The following TNRC18 variants were observed in gnomAD, a reference collection of about 807,000 sequenced individuals.
TNRC18 encodes trinucleotide repeat-containing gene 18 protein.
Under a neutral mutation model 226.7 loss-of-function variants are expected in TNRC18, and 69 were observed. The ratio of observed to expected loss-of-function variants is 0.30; its 90% confidence interval spans 0.25 to 0.37. The LOEUF (loss-of-function observed/expected upper bound fraction) is 0.37. Among genes scored for constraint, TNRC18 ranks in the 10% least tolerant of loss-of-function variants. The pLI, the probability that TNRC18 is intolerant of heterozygous loss-of-function variation, is 1.00. For missense variants in TNRC18, 4,754 were observed against 4,256.6 expected, an observed-to-expected ratio of 1.12 and a Z score of -3.25; for synonymous variants, 2,449 against 1,927.6, an observed-to-expected ratio of 1.27 and a Z score of -7.09.
intron 5 of TNRC18, among the ~76,000 whole-genome samples, chr7:5,379,433 C>A (rs1259133287): frequency 2.0e-5 from 3 of 151,964 alleles, no homozygotes; most frequent in African/African-American, 7.2e-5. Flanking sequence ...GAAAAGTAAA[C>A]CCAAAGAACA....
chr7:5,317,998 A>C (rs191731966), intron 24 of TNRC18, among the ~76,000 whole-genome samples: 79 of 152,034 alleles, frequency 5.2e-4, no homozygotes, highest in African/African-American at 1.8e-3. Flanking sequence ...CAGCCTCCCG[A>C]GTAGCTGGGA....
intron 18 of TNRC18, among the ~76,000 whole-genome samples, chr7:5,336,437 A>G (rs10250580): frequency 0.2 from 30,545 of 151,884 alleles, 3,283 homozygotes; most frequent in African/African-American, 0.25. Context: ...AAAGAACCAA[A>G]TGAACCAATT....
chr7:5,375,313 A>G (rs1794551736), intron 9 of TNRC18, among the ~76,000 whole-genome samples: 1 of 148,246 alleles, frequency 6.7e-6, no homozygotes, highest in African/African-American at 2.5e-5. Flanking sequence ...CACCTCAAAA[A>G]AACAACAAAA....
rs1268802767 is a variant in TNRC18, at chr7:5,361,966, G to A, written c.4463C>T (p.Ala1488Val). 6.2e-7 allele frequency: 1 copy of A among 1,612,808 alleles called. No individual in the cohort carries two copies. The highest frequency in any genetic ancestry group is 8.5e-7 in the Non-Finnish European group (1 of 1,179,582). Residue 1488 changes from alanine (A) to valine (V), a missense_variant, in exon 13 of 30, where the codon GCC becomes GTC. Physicochemically the swap from Ala to Val is moderately conservative, Grantham distance 64. Coordinates refer to ENST00000430969, the MANE Select transcript of TNRC18 (RefSeq NM_001080495.3). ...ALELDFRMRL[A>V]EVQRQYKEKQ... ...CTCCTTGTACTGGCGCTGCACCTCG[G>A]CCAGCCGCATCCGGAAGTCCAGCTC... is the stretch of plus-strand genomic sequence containing the variant.
chr7:5,392,651 TA>T (rs1485096321), intron 3 of TNRC18, among the ~76,000 whole-genome samples: 2 of 151,104 alleles, frequency 1.3e-5, no homozygotes, highest in Non-Finnish European at 3.0e-5. Flanking sequence ...CAACCAACAA[TA>T]AAAAAACAGC....
chr7:5,387,567 T>C lies in TNRC18; in HGVS notation c.2152+105A>G, dbSNP rs563189315. ...AGACCATTTTAAAAAATGATACTTA[T>C]AAAGACTTAGCAATAGCAAAGGGAA... On this transcript the variant is annotated intron_variant, in intron 5 of 29. Transcript: ENST00000430969. 39 of 1,469,046 alleles carry C rather than the reference T, an allele frequency of 2.7e-5. No individual in the cohort carries two copies. The African/African-American group carries it at 3.1e-4, about 12-fold the overall frequency. 91.0% of individuals were successfully genotyped at this position (1,469,046 alleles called of 1,614,324 possible).
At chr7:5,382,692 C>T (rs905423680) in intron 5 of TNRC18, among the ~76,000 whole-genome samples, 1 of 152,162 alleles carries the variant, frequency 6.6e-6, no homozygotes, top group Non-Finnish European at 1.5e-5. Context: ...CCTGGCCCCA[C>T]CCTAGAGGTG....
Position 5,356,803 on chromosome 7 carries a change from A to G in TNRC18, c.5194+113T>C, listed in dbSNP as rs1437182721. Reference sequence around the variant, plus strand: ...GCACTGTAGTGCGCCCCAGAGAGAGAGCGAGAGCGAGAGAGAGAGTGAGGG... The same window carrying G: ...GCACTGTAGTGCGCCCCAGAGAGAGGGCGAGAGCGAGAGAGAGAGTGAGGG... On this transcript the variant is annotated intron_variant, in intron 16 of 29. Coordinates refer to ENST00000430969, the MANE Select transcript of TNRC18 (RefSeq NM_001080495.3). 2.6e-5 allele frequency: 35 copies of G among 1,366,394 alleles called. No individual in the cohort carries two copies. The African/African-American group carries it at 4.6e-4, about 18-fold the overall frequency. The allele number at this position is 1,366,394 out of a possible 1,614,324, so 84.6% of individuals were successfully genotyped here. A position where few individuals can be genotyped will look rare whatever the true frequency, so the allele number is the denominator to read the frequency against.
At chr7:5,390,358 CAAAAAAAAA>C (rs11295332) in intron 4 of TNRC18, 118 bp downstream of exon 4, 15 of 719,454 alleles carry the variant, frequency 2.1e-5, no homozygotes, top group Admixed American at 1.6e-4. Context: ...GACCCTGTCT[CAAAAAAAAA>C]AAAAAAAAAA....
intron 15 of TNRC18, among the ~76,000 whole-genome samples, 172 bp from the exon 16 acceptor site, chr7:5,357,448 G>A (rs183757360): frequency 5.5e-4 from 83 of 151,990 alleles, no homozygotes; most frequent in Non-Finnish European, 1.1e-3. Flanking sequence ...GTCTCGCTCT[G>A]TCGCCCAGCC....
chr7:5,337,194 C>T (rs1338364606), intron 18 of TNRC18, among the ~76,000 whole-genome samples: 1 of 151,800 alleles, frequency 6.6e-6, no homozygotes, highest in African/African-American at 2.4e-5. Flanking sequence ...TCATCAGAAA[C>T]CAGAGGCCAG....
Position 5,388,543 on chromosome 7 carries a change from G to A in TNRC18, c.1281C>T (p.Arg427=), listed in dbSNP as rs1278555457. ...GCGAGCGGATGACCGAGTTCTTCTCGCGCAGGCCCTCGGGCCGGTCCAGAG... is the reference window on the plus strand; with the variant it reads ...GCGAGCGGATGACCGAGTTCTTCTCACGCAGGCCCTCGGGCCGGTCCAGAG... ...PRPLDRPEGL[R]EKNSVIRSLK... Residue 427 remains arginine (R), a synonymous_variant, in exon 5 of 30, where the codon CGC becomes CGT. Transcript: ENST00000430969. The A allele has an allele frequency of 4.6e-5, 61 of 1,315,210 alleles. No homozygotes were observed. Among genetic ancestry groups the A allele is most frequent in the Non-Finnish European group, 5.3e-5 (55 of 1,035,908 alleles). 81.5% of individuals were successfully genotyped at this position (1,315,210 alleles called of 1,614,324 possible).
In TNRC18 at chr7:5,335,311, A is replaced by T. The variant is rs1209355247; in HGVS notation, c.5720-2262T>A. Among the ~76,000 whole-genome samples, 687 of 149,618 alleles carry T rather than the reference A, an allele frequency of 4.6e-3. 12 individuals are homozygous for T. The highest frequency in any genetic ancestry group is 0.016 in the African/African-American group (649 of 40,636). ...AGTGAGAATCTGTCTCAAAAAAAAA[A>T]AAAAAAAAAAAAATTTGGCCAGGCA... On this transcript the variant is annotated intron_variant, in intron 18 of 29. Coordinates refer to ENST00000430969, the MANE Select transcript of TNRC18 (RefSeq NM_001080495.3).
chr7:5,345,525 C>T, intron 18 of TNRC18, 37 bp downstream of exon 18: 1 of 217,344 alleles, frequency 4.6e-6, no homozygotes, highest in Non-Finnish European at 9.4e-6. Context: ...CCGCCCCTCC[C>T]ACCCACCCCC....
At chr7:5,410,325 A>T (rs1197161448) in intron 2 of TNRC18, among the ~76,000 whole-genome samples, 1 of 151,424 alleles carries the variant, frequency 6.6e-6, no homozygotes, top group Non-Finnish European at 1.5e-5. Flanking sequence ...AAAAAAAAAA[A>T]AAAAAGAAAA....
At chr7:5,406,297 T>C (rs909298967) in intron 2 of TNRC18, among the ~76,000 whole-genome samples, 14 of 151,958 alleles carry the variant, frequency 9.2e-5, no homozygotes, top group African/African-American at 3.1e-4. Flanking sequence ...ATCCCATCTC[T>C]ACAAAAAATA....
intron 16 of TNRC18, among the ~76,000 whole-genome samples, chr7:5,354,345 T>C (rs915158602): frequency 3.3e-5 from 5 of 151,960 alleles, no homozygotes; most frequent in Admixed American, 2.0e-4. Flanking sequence ...CTCCACCCCA[T>C]CCACGTCCAC....
intron 5 of TNRC18, among the ~76,000 whole-genome samples, chr7:5,382,437 C>G (rs546383113): frequency 2.6e-5 from 4 of 152,352 alleles, no homozygotes; most frequent in African/African-American, 9.6e-5. Context: ...CACATCGCAG[C>G]CATTAGGAAC....
intron 2 of TNRC18, among the ~76,000 whole-genome samples, chr7:5,414,834 C>CAG (rs1328548929): frequency 6.6e-6 from 1 of 152,192 alleles, no homozygotes; most frequent in African/African-American, 2.4e-5. Context: ...GTCCATATTC[C>CAG]AGTTTTGTCA....
Sources: allele counts gnomAD v4.1 joint callset (sites outside exome capture counted in the v4.1 genomes callset), GRCh38; gene constraint gnomAD v4.1.1; transcripts MANE v1.5; gene names NCBI Gene and HGNC (gene_info 2026-07-23, HGNC 2026-07-21).